The following STK32A variants were observed in gnomAD, a reference collection of about 807,000 sequenced individuals.
STK32A encodes the protein serine/threonine kinase 32A.
A neutral mutation model predicts 53.2 loss-of-function variants in STK32A; 41 were observed. The observed-to-expected ratio is 0.77, with a 90% CI of 0.60 to 1.00. The LOEUF is 1.00. Ranked by LOEUF, STK32A falls within the 50% of genes least tolerant of loss-of-function variation. STK32A has a pLI of 0.00. For missense variants in STK32A, 458 were observed against 485.8 expected (o/e 0.94, Z 0.54); for synonymous variants, 166 against 162.8 (o/e 1.02, Z -0.15).
chr5:147,294,935 G>A (rs937713107), intron 4 of STK32A, among the ~76,000 whole-genome samples: 1 of 152,124 alleles, frequency 6.6e-6, no homozygotes, highest in East Asian at 1.9e-4. Flanking sequence ...TGCCCGCCTC[G>A]GCCTCCCAAA....
At chr5:147,401,227 A>G in the STK32A span, among the ~76,000 whole-genome samples, 1 of 152,238 alleles carries the variant, frequency 6.6e-6, no homozygotes, top group African/African-American at 2.4e-5. Flanking sequence ...GTAAATGCTG[A>G]TAAGAGTGCC....
chr5:147,270,337 C>G (rs1754976052), intron 2 of STK32A, among the ~76,000 whole-genome samples: 1 of 151,964 alleles, frequency 6.6e-6, no homozygotes, highest in Non-Finnish European at 1.5e-5. Flanking sequence ...CTTAGCCTCC[C>G]AAGTAGATGG....
chr5:147,291,300 G>T (rs1454042956), intron 4 of STK32A, among the ~76,000 whole-genome samples: 1 of 152,070 alleles, frequency 6.6e-6, no homozygotes, highest in East Asian at 1.9e-4. Context: ...ATTCCCAGAT[G>T]GTCCTGTCCC....
Position 147,323,983 on chromosome 5 carries a change from G to A in STK32A, c.346G>A (p.Val116Ile), listed in dbSNP as rs115969648. 184 of 1,612,798 alleles carry A rather than the reference G, an allele frequency of 1.1e-4. 1 individual carries two copies. The African/African-American group carries it at 1.5e-3, about 13-fold the overall frequency. ...CCTGCGTTATCACCTGCAACAGAAC[G>A]TCCACTTCAAGGAAGAAACAGTGAA... ...GDLRYHLQQN[V>I]HFKEETVKLF... Residue 116 changes from valine to isoleucine, a missense_variant, in exon 5 of 13, where the codon GTC becomes ATC. Physicochemically the swap from Val to Ile is conservative, Grantham distance 29. Coordinates refer to ENST00000397936, the MANE Select transcript of STK32A (RefSeq NM_001112724.2).
chr5:147,244,612 T>C (rs866778711), intron 2 of STK32A, among the ~76,000 whole-genome samples: 1 of 152,212 alleles, frequency 6.6e-6, no homozygotes, highest in South Asian at 2.1e-4. Context: ...GGATATAGCC[T>C]GGTCAACCAT....
At chr5:147,286,442 T>C (rs1752342880) in intron 4 of STK32A, among the ~76,000 whole-genome samples, 1 of 152,080 alleles carries the variant, frequency 6.6e-6, no homozygotes, top group African/African-American at 2.4e-5. Flanking sequence ...AGCACCACAT[T>C]AGGTTTAGTC....
chr5:147,253,227 G>A (rs578104978), intron 2 of STK32A, among the ~76,000 whole-genome samples: 18 of 152,092 alleles, frequency 1.2e-4, no homozygotes, highest in African/African-American at 4.1e-4. Context: ...TTGGCATGAG[G>A]GAAGAGATGA....
intron 7 of STK32A, among the ~76,000 whole-genome samples, chr5:147,355,431 T>G (rs1445751643): frequency 3.3e-5 from 5 of 152,092 alleles, no homozygotes; most frequent in Admixed American, 1.3e-4. Flanking sequence ...CCCAGCACTT[T>G]GGGAGGCCGA....
chr5:147,382,026 G>A (rs1961722), intron 11 of STK32A, among the ~76,000 whole-genome samples: 52 of 149,954 alleles, frequency 3.5e-4, no homozygotes, highest in African/African-American at 1.2e-3. Context: ...ACAAATTTGT[G>A]TTGGGCCACA....
At position 147,321,388 on chromosome 5, in the gene STK32A, C is replaced by T. The variant is rs1754310039; in HGVS notation, c.261-2510C>T. Among the ~76,000 whole-genome samples the T allele has an allele frequency of 1.3e-5, 2 of 152,118 alleles. 1 individual carries two copies. Among genetic ancestry groups the T allele is most frequent in the South Asian group, 4.1e-4 (2 of 4,832 alleles). On this transcript the variant is annotated intron_variant, in intron 4 of 12. Coordinates refer to ENST00000397936, the MANE Select transcript of STK32A (RefSeq NM_001112724.2). ...GATAATAAAATATTTATCTTCTCTC[C>T]CTCTGAGAATTAAAAATCTGAGATG... is the stretch of plus-strand genomic sequence containing the variant.
intron 2 of STK32A, among the ~76,000 whole-genome samples, chr5:147,270,183 T>C (rs890737231): frequency 5.3e-5 from 8 of 152,134 alleles, no homozygotes; most frequent in Non-Finnish European, 8.8e-5. Context: ...GATTGATACA[T>C]TTAACTACAT....
At position 147,385,906 on chromosome 5, in the gene STK32A, G is replaced by A. The variant is rs1489910072; in HGVS notation, c.*1923G>A. On this transcript the variant is annotated 3_prime_UTR_variant, in exon 13 of 13. Transcript: ENST00000397936. ...TGCCCATTTGGGAAGCCAGGCAAGT[G>A]AAAATGGACCGAAGAAACAGAGATG... 6.6e-6 allele frequency: 1 copy of A among 152,250 alleles called. No individual in the cohort carries two copies. Among genetic ancestry groups the A allele is most frequent in the Admixed American group, 6.5e-5 (1 of 15,286 alleles). 9.4% of individuals were successfully genotyped at this position (152,250 alleles called of 1,614,324 possible).
At chr5:147,397,010 T>C in the STK32A span, among the ~76,000 whole-genome samples, 1 of 122,788 alleles carries the variant, frequency 8.1e-6, no homozygotes, top group Non-Finnish European at 1.7e-5. Context: ...CACAATACAA[T>C]ATAAATATAT....
intron 8 of STK32A, among the ~76,000 whole-genome samples, chr5:147,366,973 ATTTTTAT>A (rs1156279073): frequency 6.6e-6 from 1 of 151,892 alleles, no homozygotes. Flanking sequence ...AGGCATATCA[ATTTTTAT>A]TTTTTATCTC....
At chr5:147,372,651 C>A (rs1323247284) in intron 9 of STK32A, among the ~76,000 whole-genome samples, 2 of 152,038 alleles carry the variant, frequency 1.3e-5, no homozygotes, top group Non-Finnish European at 2.9e-5. Context: ...TTAGTAAAAT[C>A]TAGAACTATA....
At chr5:147,398,973 AC>A in the STK32A span, 2 of 1,422,044 alleles carry the variant, frequency 1.4e-6, no homozygotes, top group Admixed American at 4.5e-5. Flanking sequence ...TATTATTGCA[AC>A]CCGTCCTAGT....
intron 10 of STK32A, among the ~76,000 whole-genome samples, chr5:147,374,870 T>A (rs1757164558): frequency 6.6e-6 from 1 of 152,196 alleles, no homozygotes; most frequent in Non-Finnish European, 1.5e-5. Context: ...AGTCGGCTTT[T>A]GTTTTTACTC....
the STK32A span, among the ~76,000 whole-genome samples, chr5:147,399,861 G>T: frequency 6.6e-6 from 1 of 152,138 alleles, no homozygotes; most frequent in Non-Finnish European, 1.5e-5. Flanking sequence ...ATATGAAAAA[G>T]GAAACACTAT....
chr5:147,278,379 T>C (rs1329377249), intron 3 of STK32A, among the ~76,000 whole-genome samples, 200 bp downstream of exon 3: 4 of 152,378 alleles, frequency 2.6e-5, no homozygotes, highest in Admixed American at 6.5e-5. Flanking sequence ...AATGAACATA[T>C]ACTGTTGTCA....
Sources: gnomAD v4.1 joint callset for allele counts (sites outside exome capture counted in the v4.1 genomes callset) on GRCh38, gnomAD v4.1.1 for gene constraint, MANE v1.5 for transcripts, NCBI Gene and HGNC (gene_info 2026-07-23, HGNC 2026-07-21) for gene names.